The following GPR179 variants were observed in gnomAD, a reference collection of about 807,000 sequenced individuals.
The protein encoded by GPR179 is probable G protein-coupled receptor 179.
GPR179 carries 52 observed loss-of-function variants against 70.8 expected under a neutral mutation model. The ratio of observed to expected loss-of-function variants is 0.73; its 90% CI spans 0.59 to 0.93. The LOEUF (loss-of-function observed/expected upper bound fraction) is 0.93. GPR179 is among the 40% of genes least tolerant of loss of function. The pLI is 0.00. For synonymous variants in GPR179, 1,123 were observed against 1,169.0 expected (o/e 0.96, Z 0.80); for missense variants, 2,734 against 2,966.8 (o/e 0.92, Z 1.82).
At chr17:38,340,218 C>A (rs1440755931) in intron 1 of GPR179, among the ~76,000 whole-genome samples, 1 of 152,200 alleles carries the variant, frequency 6.6e-6, no homozygotes, top group African/African-American at 2.4e-5. Flanking sequence ...CTCACTGCCA[C>A]CTCCACCTCT....
chr17:38,333,486 C>G, intron 9 of GPR179, 89 bp from the exon 10 acceptor site: 27 of 1,277,392 alleles, frequency 2.1e-5, no homozygotes, highest in Non-Finnish European at 2.9e-5. Context: ...TGCGTCCTTA[C>G]TTTGTGACGC....
Position 38,329,583 on chromosome 17 carries a change from C to T in GPR179, c.3986G>A (p.Gly1329Glu), listed in dbSNP as rs765059141. 1 of 1,614,062 alleles carries T rather than the reference C, an allele frequency of 6.2e-7. No individual in the cohort carries two copies. Among genetic ancestry groups the T allele is most frequent in the South Asian group, 1.1e-5 (1 of 91,084 alleles). Residue 1329 changes from glycine (G) to glutamate (E), a missense_variant, in exon 11 of 11, where the codon GGA (glycine) becomes GAA (glutamate). Physicochemically the swap from Gly to Glu is moderately conservative, Grantham distance 98 (BLOSUM62 -2). Transcript: ENST00000616987. ...AGGAGCTGACCCAGGGGACAGACCT[C>T]CTCGATCGGCACTCTCCCAGGGACA... ...AVCPWESADR[G>E]GLSPGSAPQD...
At position 38,327,964 on chromosome 17, in the gene GPR179, G is replaced by C. The variant is rs4399578; in HGVS notation, c.5605C>G (p.Gln1869Glu). 0.01 allele frequency: 16,291 copies of C among 1,614,106 alleles called. 1,192 individuals are homozygous for C. In the African/African-American group the frequency reaches 0.17, roughly 17 times the overall value. ...VSKGMAKLCQ[Q>E]QETICIWENK... Reference sequence around the variant, plus strand: ...TCCCAAATACAAATAGTTTCCTGTTGTTGACACAGTTTTGCCATCCCTTTT... The same window carrying C: ...TCCCAAATACAAATAGTTTCCTGTTCTTGACACAGTTTTGCCATCCCTTTT... The change falls in exon 11 of 11, where the codon CAA becomes GAA. Residue 1869 changes from glutamine (Q) to glutamate (E), a missense_variant. Coordinates refer to ENST00000616987, the MANE Select transcript of GPR179 (RefSeq NM_001004334.4).
In GPR179 at chr17:38,343,848, G is replaced by T; in HGVS notation, c.-59C>A. 5 of 1,382,002 alleles carry T rather than the reference G, an allele frequency of 3.6e-6. No homozygotes were observed. In the Admixed American group the frequency reaches 1.4e-4, roughly 38 times the overall value. The allele number at this position is 1,382,002 out of a possible 1,614,324, so 85.6% of individuals were successfully genotyped here. ...GCTCAGGAGAGCCCAGGCAGAGGCT[G>T]GCTGCAGTCTGGGGGCTGTCGGCCT... On this transcript the variant is annotated 5_prime_UTR_variant, in exon 1 of 11. Transcript: ENST00000616987. This position sits in a 1 kb window ranked among gnomAD's most constrained non-coding sequence, Gnocchi z 4.2.
rs769075966 is a variant in GPR179, at chr17:38,329,623, C to T, written c.3946G>A (p.Glu1316Lys). The T allele has an allele frequency of 3.7e-6, 6 of 1,614,128 alleles. No homozygotes were observed. The East Asian group carries it at 6.7e-5, about 18-fold the overall frequency. ...TCCCAGGGACACACTGCTTCCTGCT[C>T]CCTCACCAGCCTCTCTGGCTTTTTC... ...MRKKPERLVR[E>K]QEAVCPWESA... The change falls in exon 11 of 11, where the codon GAG (glutamate) becomes AAG (lysine). Residue 1316 changes from glutamate to lysine, a missense_variant. Physicochemically the swap from Glu to Lys is moderately conservative, Grantham distance 56 (BLOSUM62 1). Transcript: ENST00000616987.
intron 6 of GPR179, 53 bp downstream of exon 6, chr17:38,335,538 C>G (rs2037397097): frequency 1.6e-6 from 2 of 1,266,758 alleles, no homozygotes. Context: ...CATGAGTGAG[C>G]TGGGGTGGTC....
At chr17:38,336,756 T>G (rs917224169) in intron 4 of GPR179, among the ~76,000 whole-genome samples, 2 of 152,162 alleles carry the variant, frequency 1.3e-5, no homozygotes, top group African/African-American at 4.8e-5. Flanking sequence ...TTGCTTAGAG[T>G]AGATACTCAA....
In GPR179 at chr17:38,343,512, G is replaced by A. The variant is rs768395934; in HGVS notation, c.278C>T (p.Pro93Leu). ...GGTGCCCGCTGCCCCCTGTAGGCTT[G>A]GGGGGAGCCCTGGCATGGCTCCTGC... ...RGAGAMPGLP[P>L]SLQGAAGTLA... The change falls in exon 1 of 11, where the codon CCA becomes CTA. Residue 93 changes from proline (P) to leucine (L), a missense_variant. Physicochemically the swap from Pro to Leu is moderately conservative, Grantham distance 98. Transcript: ENST00000616987. This position sits in a 1 kb window ranked among gnomAD's most constrained non-coding sequence, Gnocchi z 4.2. 1.9e-6 allele frequency: 3 copies of A among 1,613,742 alleles called. No individual in the cohort carries two copies. The highest frequency in any genetic ancestry group is 4.5e-5 in the East Asian group (2 of 44,874).
chr17:38,328,332 G>GT lies in GPR179; in HGVS notation c.5236dup (p.Thr1746AsnfsTer37), dbSNP rs2144257194. On this transcript the variant is annotated frameshift_variant, in exon 11 of 11. Coordinates refer to ENST00000616987, the MANE Select transcript of GPR179 (RefSeq NM_001004334.4). LOFTEE classifies it low-confidence loss of function (END_TRUNC). ...TGGCTTCTGTGGCTTCTCTGGAGCA[G>GT]TAACAGCTCTCTCCCTGGGTCCAAG... is the stretch of plus-strand genomic sequence containing the variant. 1 of 1,614,052 alleles carries GT rather than the reference G, an allele frequency of 6.2e-7. No homozygotes were observed. Among genetic ancestry groups the GT allele is most frequent in the Non-Finnish European group, 8.5e-7 (1 of 1,180,024 alleles).
At chr17:38,340,921 A>G (rs1436502019) in intron 1 of GPR179, among the ~76,000 whole-genome samples, 6 of 151,564 alleles carry the variant, frequency 4.0e-5, no homozygotes, top group African/African-American at 1.2e-4. Context: ...CATCTCAAAA[A>G]CAAACACACA....
rs763695610 is a variant in GPR179, at chr17:38,327,833, C to T, written c.5736G>A (p.Glu1912=). 1.4e-5 allele frequency: 23 copies of T among 1,614,208 alleles called. No homozygotes were observed. Among genetic ancestry groups the T allele is most frequent in the Non-Finnish European group, 1.8e-5 (21 of 1,180,034 alleles). Residue 1912 remains glutamate (E), a synonymous_variant, in exon 11 of 11, where the codon GAG becomes GAA. Transcript: ENST00000616987. ...TTGGGTCTTGTCTCAGGTCCCCCTT[C>T]TCTGTTGCTTCCAAGGAATGTCCCT... is the stretch of plus-strand genomic sequence containing the variant. ...VAEGHSLEAT[E]KGDLRQDPKT...
Position 38,343,263 on chromosome 17 carries a change from T to G in GPR179, c.527A>C (p.Gln176Pro). 6.2e-7 allele frequency: 1 copy of G among 1,614,176 alleles called. No homozygotes were observed. The stretch of plus-strand genomic sequence containing the variant: ...CTGCACCCAGTTCCCAGACAAGTCC[T>G]GCAGGATGGTTTCCTCCCCAGTCCG... ...ATRTGEETIL[Q>P]DLSGNWVQEE... The change falls in exon 1 of 11, where the codon CAG becomes CCG. Residue 176 changes from glutamine to proline, a missense_variant. By Grantham distance (76) the Gln-to-Pro change is moderately conservative (BLOSUM62 -1). Transcript: ENST00000616987. This position sits in a 1 kb window ranked among gnomAD's most constrained non-coding sequence, Gnocchi z 4.2.
chr17:38,326,957 G>T lies in GPR179; in HGVS notation c.6612C>A (p.Leu2204=). Residue 2204 remains leucine, a synonymous_variant, in exon 11 of 11, where the codon CTC becomes CTA. Coordinates refer to ENST00000616987, the MANE Select transcript of GPR179 (RefSeq NM_001004334.4). ...TGCCTGCTTCCTTGGGGCTGACTTT[G>T]AGTTCTGGGTCCAGGGCACCTGACT... ...LPQSGALDPE[L]KVSPKEAGSM... The T allele has an allele frequency of 6.2e-7, 1 of 1,614,078 alleles. No individual in the cohort carries two copies. Among genetic ancestry groups the T allele is most frequent in the South Asian group, 1.1e-5 (1 of 91,080 alleles).
At chr17:38,331,642 T>A (rs2037361543) in intron 10 of GPR179, 111 bp from the exon 11 acceptor site, 4 of 1,479,446 alleles carry the variant, frequency 2.7e-6, no homozygotes, top group Non-Finnish European at 3.6e-6. Flanking sequence ...TCTCTTTCCA[T>A]CAAGCTGTAT....
In GPR179 at chr17:38,328,573, G is replaced by C. The variant is rs1460626520; in HGVS notation, c.4996C>G (p.Gln1666Glu). 3.1e-6 allele frequency: 5 copies of C among 1,614,118 alleles called. No homozygotes were observed. The highest frequency in any genetic ancestry group is 4.2e-6 in the Non-Finnish European group (5 of 1,180,034). The stretch of plus-strand genomic sequence containing the variant: ...AGGGTTTGGGGTCTCTCTGTGTCTT[G>C]AGGACGTGGTTGTGGGGAGAAGCTG... ...PGSFSPQPRPQDTERPQTLLQ... is the reference protein window; with the variant it reads ...PGSFSPQPRPEDTERPQTLLQ... The change falls in exon 11 of 11, where the codon CAA (glutamine) becomes GAA (glutamate). Residue 1666 changes from glutamine (Q) to glutamate (E), a missense_variant. Coordinates refer to ENST00000616987, the MANE Select transcript of GPR179 (RefSeq NM_001004334.4).
Position 38,324,628 on chromosome 17 carries a change from C to G in GPR179, c.*1837G>C, listed in dbSNP as rs1053019563. Among the ~76,000 whole-genome samples, 1 of 118,838 alleles carries G rather than the reference C, an allele frequency of 8.4e-6. No individual in the cohort carries two copies. The highest frequency in any genetic ancestry group is 3.1e-5 in the African/African-American group (1 of 31,758). 78.0% of individuals were successfully genotyped at this position (118,838 alleles called of 152,430 possible). A position where few individuals can be genotyped will look rare whatever the true frequency, so the allele number is the denominator to read the frequency against. The stretch of plus-strand genomic sequence containing the variant: ...CCCCCCCACCCCATGGTTTATTTCA[C>G]AAGAGTGTGTTTGGCGGCAACTTTG... On this transcript the variant is annotated 3_prime_UTR_variant, in exon 11 of 11. Transcript: ENST00000616987.
At position 38,343,442 on chromosome 17, in the gene GPR179, G is replaced by A. The variant is rs768327746; in HGVS notation, c.348C>T (p.Asn116=). 8.7e-6 allele frequency: 14 copies of A among 1,614,096 alleles called. No homozygotes were observed. Among genetic ancestry groups the A allele is most frequent in the South Asian group, 3.3e-5 (3 of 91,090 alleles). ...CCTCCACACTGGACTCACGGATGTC[G>A]TTGGCTTGCAGCAGCATGTTGAGAA... is the stretch of plus-strand genomic sequence containing the variant. The part of the protein sequence containing the change: ...ANFLNMLLQA[N]DIRESSVEED... The change falls in exon 1 of 11, where the codon AAC becomes AAT. Residue 116 remains asparagine (N), a synonymous_variant. Transcript: ENST00000616987. This position sits in a 1 kb window ranked among gnomAD's most constrained non-coding sequence, Gnocchi z 4.2.
Position 38,334,878 on chromosome 17 carries a change from C to T in GPR179, c.1646-36G>A. 1 of 1,607,500 alleles carries T rather than the reference C, an allele frequency of 6.2e-7. No homozygotes were observed. Among genetic ancestry groups the T allele is most frequent in the Non-Finnish European group, 8.5e-7 (1 of 1,177,478 alleles). On this transcript the variant is annotated intron_variant, in intron 7 of 10. Transcript: ENST00000616987. This position sits in a 1 kb window ranked among gnomAD's most constrained non-coding sequence, Gnocchi z 4.7. ...ACAGGGAGGGAGAGAGCCGGCACCA[C>T]CTCAGCAGCTGTCCCACCCCTTTCT...
At position 38,334,668 on chromosome 17, in the gene GPR179, G is replaced by A. The variant is rs1567725380; in HGVS notation, c.1784+36C>T. 1 of 1,608,626 alleles carries A rather than the reference G, an allele frequency of 6.2e-7. No homozygotes were observed. Among genetic ancestry groups the A allele is most frequent in the Non-Finnish European group, 8.5e-7 (1 of 1,176,216 alleles). The stretch of plus-strand genomic sequence containing the variant: ...GGGAGAGGTGAGGAGTACTGTTAGA[G>A]TGGAAGGGGGTGTGGGGAGGTGAGT... On this transcript the variant is annotated intron_variant, in intron 8 of 10. Coordinates refer to ENST00000616987, the MANE Select transcript of GPR179 (RefSeq NM_001004334.4). The surrounding 1 kb of genome is among the most constrained non-coding windows in gnomAD (Gnocchi z 4.7).
Sources: allele counts gnomAD v4.1 joint callset (sites outside exome capture counted in the v4.1 genomes callset), GRCh38; gene constraint gnomAD v4.1.1; non-coding constraint Gnocchi (gnomAD v3.1); transcripts MANE v1.5; gene names NCBI Gene and HGNC (gene_info 2026-07-23, HGNC 2026-07-21).